Variants in KIAA1958 observed in about 807,000 individuals in gnomAD.
The protein encoded by KIAA1958 is uncharacterized protein KIAA1958.
A neutral mutation model predicts 47.2 loss-of-function variants in KIAA1958; 14 were observed. That is an observed-to-expected ratio of 0.30 (90% CI 0.20 to 0.46). The LOEUF is 0.46. KIAA1958 is among the 20% of genes least tolerant of loss of function. KIAA1958 has a pLI of 1.00. For missense variants in KIAA1958, 803 were observed against 909.2 expected (o/e 0.88, Z 1.50); for synonymous variants, 354 against 353.3 (o/e 1.00, Z -0.02).
chr9:112,547,008 C>G lies in KIAA1958; in HGVS notation c.-24-27049C>G, dbSNP rs574723568. On this transcript the variant is annotated intron_variant, in intron 1 of 3. Coordinates refer to ENST00000337530, the MANE Select transcript of KIAA1958 (RefSeq NM_133465.4). ...CCAAGCTGGGGTGTGGTGGTGTGAT[C>G]TGCAACCTACGCCTCCTGGGTTCAA... Among the ~76,000 whole-genome samples the G allele has an allele frequency of 8.6e-5, 7 of 81,644 alleles. No individual in the cohort carries two copies. The South Asian group carries it at 3.9e-3, about 46-fold the overall frequency. The allele number at this position is 81,644 out of a possible 152,430, so 53.6% of individuals were successfully genotyped here.
intron 2 of KIAA1958, among the ~76,000 whole-genome samples, chr9:112,644,005 C>T (rs958797139): frequency 7.9e-5 from 12 of 152,072 alleles, no homozygotes; most frequent in African/African-American, 2.4e-4. Context: ...TGACAAAAAC[C>T]CGTTTCTACT....
At chr9:112,577,321 T>G (rs1371108420) in intron 2 of KIAA1958, among the ~76,000 whole-genome samples, 2 of 152,150 alleles carry the variant, frequency 1.3e-5, no homozygotes, top group Admixed American at 1.3e-4. Flanking sequence ...TTAAAAAATA[T>G]TTTAATGAAT....
intron 1 of KIAA1958, among the ~76,000 whole-genome samples, chr9:112,560,198 C>CTTTTTTTTTTTTT (rs745805478): frequency 9.2e-6 from 1 of 108,664 alleles, no homozygotes; most frequent in Non-Finnish European, 1.9e-5. Flanking sequence ...TTTTCTTTTT[C>CTTTTTTTTTTTTT]TTTTTTTTTC....
intron 1 of KIAA1958, among the ~76,000 whole-genome samples, chr9:112,510,085 AG>A (rs1451605977): frequency 1.3e-5 from 2 of 152,220 alleles, no homozygotes; most frequent in African/African-American, 4.8e-5. Context: ...TCTTTGCACA[AG>A]ATCCTGGAGT....
At position 112,548,676 on chromosome 9, in the gene KIAA1958, C is replaced by G. The variant is rs142185903; in HGVS notation, c.-24-25381C>G. 5.9e-5 allele frequency among the ~76,000 whole-genome samples: 9 copies of G among 152,232 alleles called. No individual in the cohort carries two copies. In the East Asian group the frequency reaches 1.5e-3, roughly 26 times the overall value. On this transcript the variant is annotated intron_variant, in intron 1 of 3. Transcript: ENST00000337530. ...TAACATTGACTCTTTGGTGCCTTGG[C>G]ATAGTATTTGCTACATAGTAGTCTT...
intron 1 of KIAA1958, among the ~76,000 whole-genome samples, chr9:112,558,826 A>T (rs563687100): frequency 2.1e-4 from 32 of 152,316 alleles, no homozygotes; most frequent in Non-Finnish European, 4.3e-4. Context: ...TCACAGTGAT[A>T]AGAAAGACCT....
At chr9:112,642,278 G>T (rs889399339) in intron 2 of KIAA1958, among the ~76,000 whole-genome samples, 25 of 152,340 alleles carry the variant, frequency 1.6e-4, no homozygotes, top group Middle Eastern at 3.4e-3. Flanking sequence ...TCCCTTCAGG[G>T]TGCCTGAGCT....
chr9:112,575,316 C>A, intron 2 of KIAA1958, 65 bp downstream of exon 2: 1 of 1,096,910 alleles, frequency 9.1e-7, no homozygotes, highest in Non-Finnish European at 1.3e-6. Flanking sequence ...GCCGTCAGCA[C>A]TTCTAAAACC....
chr9:112,573,106 A>G (rs2806320), intron 1 of KIAA1958, among the ~76,000 whole-genome samples: 110,718 of 151,990 alleles, frequency 0.73, 41,471 homozygotes, highest in South Asian at 0.87. Flanking sequence ...CAGACTCCAC[A>G]TGTCCCCTTT....
At chr9:112,616,824 A>G (rs138955996) in intron 2 of KIAA1958, among the ~76,000 whole-genome samples, 61 of 152,332 alleles carry the variant, frequency 4.0e-4, no homozygotes, top group African/African-American at 1.5e-3. Flanking sequence ...CTTAACTATT[A>G]TTTTAAAATT....
intron 1 of KIAA1958, among the ~76,000 whole-genome samples, chr9:112,504,349 C>T (rs1050947189): frequency 6.6e-6 from 1 of 152,088 alleles, no homozygotes; most frequent in African/African-American, 2.4e-5. Context: ...ACACTACCCC[C>T]AGCTAATTTT....
chr9:112,496,531 C>G (rs1349324863), intron 1 of KIAA1958, among the ~76,000 whole-genome samples: 1 of 152,190 alleles, frequency 6.6e-6, no homozygotes, highest in Admixed American at 6.5e-5. Context: ...GAAATATCAG[C>G]AAGTTCACTT....
chr9:112,598,125 G>A (rs986289229), intron 2 of KIAA1958, among the ~76,000 whole-genome samples: 2 of 152,074 alleles, frequency 1.3e-5, no homozygotes, highest in African/African-American at 2.4e-5. Flanking sequence ...TTTTTTTAAG[G>A]AAGTGACATT....
chr9:112,630,721 A>G (rs1836694983), intron 2 of KIAA1958, among the ~76,000 whole-genome samples: 1 of 152,272 alleles, frequency 6.6e-6, no homozygotes, highest in African/African-American at 2.4e-5. Flanking sequence ...ATGAAAAAAC[A>G]TGTTAAAACA....
chr9:112,528,594 C>T (rs1467334494), intron 1 of KIAA1958, among the ~76,000 whole-genome samples: 1 of 152,212 alleles, frequency 6.6e-6, no homozygotes, highest in African/African-American at 2.4e-5. Flanking sequence ...ATGATCTTGG[C>T]TCACTGCAAC....
chr9:112,658,742 G>A lies in KIAA1958; in HGVS notation c.1345-521G>A, dbSNP rs536083213. On this transcript the variant is annotated intron_variant, in intron 3 of 3. Transcript: ENST00000337530. ...TGGGAGGCCAAGGTGGGCAGATCAC[G>A]AGGTCAGGAGATCGAGACCATCCTG... 1.6e-3 allele frequency among the ~76,000 whole-genome samples: 238 copies of A among 149,066 alleles called. 3 individuals are homozygous for A. Among genetic ancestry groups the A allele is most frequent in the African/African-American group, 5.3e-3 (216 of 40,894 alleles).
Position 112,665,794 on chromosome 9 carries a change from G to A in KIAA1958, c.*5725G>A, listed in dbSNP as rs1310860594. The A allele has an allele frequency of 6.6e-6, 1 of 152,114 alleles. No homozygotes were observed. The highest frequency in any genetic ancestry group is 1.5e-5 in the Non-Finnish European group (1 of 68,036). The allele number at this position is 152,114 out of a possible 1,614,324, so 9.4% of individuals were successfully genotyped here. A position where few individuals can be genotyped will look rare whatever the true frequency, so the allele number is the denominator to read the frequency against. ...TGTCATCTACCTTAAAGGGCAGATG[G>A]TCATGTGAATTTATTCTAATGAAAG... On this transcript the variant is annotated 3_prime_UTR_variant, in exon 4 of 4. Coordinates refer to ENST00000337530, the MANE Select transcript of KIAA1958 (RefSeq NM_133465.4).
At chr9:112,548,712 G>A (rs1835087089) in intron 1 of KIAA1958, among the ~76,000 whole-genome samples, 1 of 152,104 alleles carries the variant, frequency 6.6e-6, no homozygotes, top group South Asian at 2.1e-4. Context: ...AATGTTTTTG[G>A]AATAAATGAA....
At chr9:112,539,883 GT>G (rs1834912949) in intron 1 of KIAA1958, among the ~76,000 whole-genome samples, 1 of 151,910 alleles carries the variant, frequency 6.6e-6, no homozygotes, top group African/African-American at 2.4e-5. Context: ...GAGTGACGGG[GT>G]TTCACCATGT....
Sources: gnomAD v4.1 joint callset for allele counts (sites outside exome capture counted in the v4.1 genomes callset) on GRCh38, gnomAD v4.1.1 for gene constraint, MANE v1.5 for transcripts, NCBI Gene and HGNC (gene_info 2026-07-23, HGNC 2026-07-21) for gene names.